The following NDRG3 variants were observed in gnomAD, a reference collection of about 807,000 sequenced individuals.
NDRG3 encodes the protein protein NDRG3.
A neutral mutation model predicts 57.2 loss-of-function variants in NDRG3; 23 were observed. The ratio of observed to expected loss-of-function variants is 0.40; its 90% confidence interval spans 0.29 to 0.57. NDRG3 has a LOEUF of 0.57. Ranked by LOEUF, NDRG3 falls within the 20% of genes least tolerant of loss-of-function variation. The pLI, the probability that NDRG3 is intolerant of heterozygous loss-of-function variation, is 0.42. For missense variants in NDRG3, 384 were observed against 457.3 expected, an observed-to-expected ratio of 0.84 and a Z score of 1.46; for synonymous variants, 132 against 162.6, an observed-to-expected ratio of 0.81 and a Z score of 1.43.
At chr20:36,707,732 G>A (rs1223055393) in intron 2 of NDRG3, among the ~76,000 whole-genome samples, 4 of 152,070 alleles carry the variant, frequency 2.6e-5, no homozygotes, top group African/African-American at 9.7e-5. Flanking sequence ...AAAATCAATG[G>A]CAATAACTCA....
Position 36,721,708 on chromosome 20 carries a change from T to G in NDRG3, c.28A>C (p.Thr10Pro), listed in dbSNP as rs749047325. The change falls in exon 2 of 16, where the codon ACA becomes CCA. Residue 10 changes from threonine to proline, a missense_variant. Thr to Pro is a conservative substitution (Grantham distance 38). Coordinates refer to ENST00000349004, the MANE Select transcript of NDRG3 (RefSeq NM_032013.4). The part of the protein sequence containing the change: MDELQDVQL[T>P]EIKPLLNDKN... Reference sequence around the variant, plus strand: ...TCATTTAGAAGTGGTTTGATCTCTGTGAGCTGAACATCCTGAAGTTCATCC... The same window carrying G: ...TCATTTAGAAGTGGTTTGATCTCTGGGAGCTGAACATCCTGAAGTTCATCC... 6 of 1,611,632 alleles carry G rather than the reference T, an allele frequency of 3.7e-6. No homozygotes were observed. The highest frequency in any genetic ancestry group is 5.1e-6 in the Non-Finnish European group (6 of 1,178,134).
chr20:36,730,247 CAA>C (rs36065530), intron 1 of NDRG3, among the ~76,000 whole-genome samples: 19 of 118,420 alleles, frequency 1.6e-4, no homozygotes, highest in African/African-American at 1.8e-4. Context: ...ACTCTGTCTC[CAA>C]AAAAAAAAAA....
intron 12 of NDRG3, 36 bp from the exon 13 acceptor site, chr20:36,660,420 G>C: frequency 3.2e-6 from 5 of 1,564,034 alleles, no homozygotes; most frequent in Non-Finnish European, 4.4e-6. Context: ...ATAATTTTAT[G>C]AGTTGCTAGG....
In NDRG3 at chr20:36,659,888, C is replaced by T. The variant is rs569104449; in HGVS notation, c.858+449G>A. ...TGCTGAGATTACAGGTGTGAGCCAC[C>T]GCACCTGGCCAAAAGGATTATTTTA... On this transcript the variant is annotated intron_variant, in intron 13 of 15. Transcript: ENST00000349004. Among the ~76,000 whole-genome samples, 20 of 151,604 alleles carry T rather than the reference C, an allele frequency of 1.3e-4. No homozygotes were observed. The East Asian group carries it at 1.4e-3, about 11-fold the overall frequency.
At chr20:36,723,659 A>AATATGTGTGTGTGTGTGTGTGT (rs74173994) in intron 1 of NDRG3, among the ~76,000 whole-genome samples, 4 of 132,934 alleles carry the variant, frequency 3.0e-5, no homozygotes, top group African/African-American at 1.1e-4. Flanking sequence ...ATATTAGTCT[A>AATATGTGTGTGTGTGTGTGTGT]GTGTGTGTGT....
intron 13 of NDRG3, among the ~76,000 whole-genome samples, chr20:36,658,141 T>A (rs759604349): frequency 1.2e-4 from 18 of 151,996 alleles, no homozygotes; most frequent in African/African-American, 2.2e-4. Flanking sequence ...TAAAAAAAAA[T>A]TTTTTTTGAG....
At chr20:36,681,160 G>A (rs1424857460) in intron 7 of NDRG3, among the ~76,000 whole-genome samples, 1 of 152,152 alleles carries the variant, frequency 6.6e-6, no homozygotes, top group Non-Finnish European at 1.5e-5. Flanking sequence ...ATATGCAGTT[G>A]TTCAATTCAT....
chr20:36,682,406 C>G, intron 7 of NDRG3, 112 bp downstream of exon 7: 1 of 811,378 alleles, frequency 1.2e-6, no homozygotes, highest in Non-Finnish European at 2.0e-6. Context: ...ACAGAAGTTA[C>G]AGAAAAACTG....
At chr20:36,734,819 T>C (rs1197534292) in intron 1 of NDRG3, among the ~76,000 whole-genome samples, 1 of 151,774 alleles carries the variant, frequency 6.6e-6, no homozygotes, top group Non-Finnish European at 1.5e-5. Flanking sequence ...ATGTCCTCTT[T>C]GGGGCAAAAT....
intron 3 of NDRG3, among the ~76,000 whole-genome samples, chr20:36,694,930 G>T (rs1013975699): frequency 6.6e-6 from 1 of 152,008 alleles, no homozygotes; most frequent in Non-Finnish European, 1.5e-5. Context: ...GCTAATTTTT[G>T]TACTGTTTGT....
At chr20:36,676,748 C>A (rs1980755609) in intron 8 of NDRG3, among the ~76,000 whole-genome samples, 1 of 152,268 alleles carries the variant, frequency 6.6e-6, no homozygotes, top group African/African-American at 2.4e-5. Context: ...TGGGCGTAAG[C>A]CACGTGCCTG....
chr20:36,692,214 T>G (rs1982319235), intron 3 of NDRG3, among the ~76,000 whole-genome samples: 1 of 152,094 alleles, frequency 6.6e-6, no homozygotes, highest in African/African-American at 2.4e-5. Flanking sequence ...ACATATACTG[T>G]TTTTTACGTT....
intron 1 of NDRG3, among the ~76,000 whole-genome samples, chr20:36,730,564 A>G (rs982742879): frequency 6.6e-6 from 1 of 152,220 alleles, no homozygotes; most frequent in East Asian, 1.9e-4. Context: ...CTGAAAGGTA[A>G]CAAGGGTCTG....
chr20:36,739,909 CAAAA>C (rs774462877), intron 1 of NDRG3, among the ~76,000 whole-genome samples: 7 of 41,602 alleles, frequency 1.7e-4, no homozygotes, highest in Non-Finnish European at 3.7e-4. Flanking sequence ...GACTCCGTCT[CAAAA>C]AAAAAAAAAA....
chr20:36,702,865 A>G (rs1233609759), intron 3 of NDRG3, among the ~76,000 whole-genome samples: 1 of 151,802 alleles, frequency 6.6e-6, no homozygotes, highest in African/African-American at 2.4e-5. Flanking sequence ...TGTATTTTCA[A>G]TAGAGACGGG....
intron 1 of NDRG3, among the ~76,000 whole-genome samples, chr20:36,733,383 GTCAA>G (rs1198617991): frequency 2.6e-5 from 4 of 151,796 alleles, no homozygotes; most frequent in Non-Finnish European, 4.4e-5. Context: ...TAGGGGCGGA[GTCAA>G]TCACCTTTGA....
chr20:36,654,986 C>T (rs183330080), intron 15 of NDRG3: 1 of 671,894 alleles, frequency 1.5e-6, no homozygotes, highest in African/African-American at 1.8e-5. Context: ...GTGAGGCTGA[C>T]AGATACTTCA....
intron 8 of NDRG3, among the ~76,000 whole-genome samples, chr20:36,676,474 GTTTTT>G (rs1056126103): frequency 4.0e-5 from 6 of 151,762 alleles, no homozygotes; most frequent in Non-Finnish European, 7.4e-5. Flanking sequence ...GTTTTGTTTT[GTTTTT>G]TTGAGACGGA....
intron 1 of NDRG3, among the ~76,000 whole-genome samples, chr20:36,744,392 A>AG (rs11436318): frequency 0.028 from 4,213 of 152,098 alleles, 238 homozygotes; most frequent in African/African-American, 0.097. Context: ...AGTAATGAAA[A>AG]GGGGGGGTGG....
Sources: gnomAD v4.1 joint callset for allele counts (sites outside exome capture counted in the v4.1 genomes callset) on GRCh38, gnomAD v4.1.1 for gene constraint, MANE v1.5 for transcripts, NCBI Gene and HGNC (gene_info 2026-07-23, HGNC 2026-07-21) for gene names.